PAM: variants seen among roughly 807,000 people sequenced by gnomAD.
The protein encoded by PAM is peptidyl-glycine alpha-amidating monooxygenase.
PAM carries 72 observed loss-of-function variants against 122.1 expected under a neutral mutation model. The ratio of observed to expected loss-of-function variants is 0.59; its 90% CI spans 0.49 to 0.72. PAM has a LOEUF of 0.72. Ranked by LOEUF, PAM falls within the 30% of genes least tolerant of loss-of-function variation. PAM has a pLI of 0.00. For synonymous variants in PAM, 389 were observed against 404.4 expected, an observed-to-expected ratio of 0.96 and a Z score of 0.46; for missense variants, 1,106 against 1,183.7, an observed-to-expected ratio of 0.93 and a Z score of 0.96.
In PAM at chr5:102,974,110, C is replaced by G; in HGVS notation, c.1163-6C>G. ...CACGCCCTTATCTCTTCTCTTTTTT[C>G]CACAGGTGATTTCTATTCACTACTT... On this transcript the variant is annotated splice_polypyrimidine_tract_variant and splice_region_variant and intron_variant, in intron 14 of 25. Transcript: ENST00000438793. The G allele has an allele frequency of 6.2e-7, 1 of 1,601,034 alleles. No homozygotes were observed. Among genetic ancestry groups the G allele is most frequent in the Non-Finnish European group, 8.5e-7 (1 of 1,172,036 alleles).
At chr5:102,774,899 TTC>T (rs1756762774) in intron 1 of PAM, among the ~76,000 whole-genome samples, 1 of 152,036 alleles carries the variant, frequency 6.6e-6, no homozygotes, top group African/African-American at 2.4e-5. Context: ...ATTCAATGTC[TTC>T]TCTTTTTTAT....
At chr5:102,831,420 C>T (rs1775398131) in intron 1 of PAM, among the ~76,000 whole-genome samples, 1 of 130,896 alleles carries the variant, frequency 7.6e-6, no homozygotes, top group Admixed American at 8.3e-5. Flanking sequence ...CCTTCATTAT[C>T]GAGCTCTTTT....
chr5:102,766,251 T>G (rs1033878303), intron 1 of PAM, among the ~76,000 whole-genome samples: 1 of 152,204 alleles, frequency 6.6e-6, no homozygotes, highest in Non-Finnish European at 1.5e-5. Flanking sequence ...TCCATTGTAA[T>G]ATATAATGAA....
chr5:102,925,930 A>G (rs1382316074), intron 6 of PAM, among the ~76,000 whole-genome samples: 1 of 152,226 alleles, frequency 6.6e-6, no homozygotes, highest in Non-Finnish European at 1.5e-5. Flanking sequence ...TCTAGTTGGT[A>G]ACTGGTTTCC....
rs750747001 is a variant in PAM, at chr5:102,974,263, G to T, written c.1310G>T (p.Arg437Leu). 4 of 1,614,014 alleles carry T rather than the reference G, an allele frequency of 2.5e-6. No individual in the cohort carries two copies. The highest frequency in any genetic ancestry group is 3.4e-6 in the Non-Finnish European group (4 of 1,179,944). Residue 437 changes from arginine to leucine, a missense_variant, in exon 15 of 26, where the codon CGA (arginine) becomes CTA (leucine). By Grantham distance (102) the Arg-to-Leu change is moderately radical (BLOSUM62 -2). Around this residue, in one of 3 missense-constraint regions of PAM, gnomAD observed 670 missense variants for 690.3 expected, o/e 0.97. Transcript: ENST00000438793. ...ANVVQKKDLG[R>L]SDAREGAEHE... ...GTAGTCCAAAAAAAGGATCTTGGTC[G>T]ATCTGATGCCAGAGAGGGTGCAGAA...
chr5:102,821,450 C>A (rs1254329092), intron 1 of PAM, among the ~76,000 whole-genome samples: 1 of 152,156 alleles, frequency 6.6e-6, no homozygotes, highest in Non-Finnish European at 1.5e-5. Context: ...CTATTTCTTT[C>A]TGGGCCAGTT....
chr5:102,977,907 GATT>G (rs371465442), intron 15 of PAM, among the ~76,000 whole-genome samples: 1 of 152,180 alleles, frequency 6.6e-6, no homozygotes, highest in African/African-American at 2.4e-5. Context: ...TATAAAATGA[GATT>G]ATAATAGTAT....
chr5:102,898,836 C>T (rs781155917), intron 3 of PAM, among the ~76,000 whole-genome samples: 4 of 151,622 alleles, frequency 2.6e-5, no homozygotes, highest in Non-Finnish European at 5.9e-5. Flanking sequence ...AAGAGAAGTG[C>T]TTTAATAACC....
chr5:102,926,936 C>T (rs930831322), intron 7 of PAM, among the ~76,000 whole-genome samples: 1 of 152,088 alleles, frequency 6.6e-6, no homozygotes, highest in Non-Finnish European at 1.5e-5. Flanking sequence ...ATTGTTTTAT[C>T]AGCCTGCTCT....
At chr5:102,889,969 A>G (rs1202498999) in intron 3 of PAM, among the ~76,000 whole-genome samples, 1 of 151,906 alleles carries the variant, frequency 6.6e-6, no homozygotes, top group African/African-American at 2.4e-5. Context: ...GAGTATTTTT[A>G]TATCTATTTT....
At chr5:102,847,094 C>T (rs1247318699) in intron 1 of PAM, among the ~76,000 whole-genome samples, 3 of 152,032 alleles carry the variant, frequency 2.0e-5, no homozygotes, top group South Asian at 2.1e-4. Flanking sequence ...TTCTTTCTCC[C>T]GAGTCCCATT....
At chr5:102,995,823 T>C (rs931694465) in intron 16 of PAM, among the ~76,000 whole-genome samples, 20 of 152,090 alleles carry the variant, frequency 1.3e-4, no homozygotes, top group Non-Finnish European at 1.5e-5. Context: ...ACAATGTGTC[T>C]ATTTTCAGAA....
chr5:102,955,830 T>G (rs1202172448), intron 12 of PAM, among the ~76,000 whole-genome samples: 1 of 132,540 alleles, frequency 7.5e-6, no homozygotes, highest in Non-Finnish European at 1.7e-5. Flanking sequence ...AGGGTACATG[T>G]GTCAAAATAC....
intron 7 of PAM, among the ~76,000 whole-genome samples, chr5:102,928,634 A>G (rs1220005388): frequency 6.6e-6 from 1 of 152,146 alleles, no homozygotes; most frequent in Non-Finnish European, 1.5e-5. Flanking sequence ...AAGTAAAAAC[A>G]TGGGAAAATA....
chr5:103,014,575 T>G (rs1318528776), intron 21 of PAM, among the ~76,000 whole-genome samples: 2 of 152,226 alleles, frequency 1.3e-5, no homozygotes, highest in East Asian at 3.8e-4. Flanking sequence ...TTGACTCCTG[T>G]GTAAAAAGAG....
intron 3 of PAM, among the ~76,000 whole-genome samples, chr5:102,892,087 T>C (rs1794941065): frequency 6.6e-6 from 1 of 151,768 alleles, no homozygotes; most frequent in Non-Finnish European, 1.5e-5. Flanking sequence ...AGATGTGAGG[T>C]GAAGTCTTTT....
At chr5:102,796,982 G>A (rs1290463491) in intron 1 of PAM, among the ~76,000 whole-genome samples, 1 of 152,176 alleles carries the variant, frequency 6.6e-6, no homozygotes, top group Non-Finnish European at 1.5e-5. Context: ...AGAGCCATAT[G>A]CTTCATTGCC....
At chr5:102,861,170 C>T (rs1784073072) in intron 1 of PAM, among the ~76,000 whole-genome samples, 1 of 152,182 alleles carries the variant, frequency 6.6e-6, no homozygotes, top group Admixed American at 6.5e-5. Context: ...CAGCTCCAGT[C>T]AAGCCTTCAG....
chr5:102,933,711 T>C (rs1752336490), intron 7 of PAM, among the ~76,000 whole-genome samples: 1 of 152,234 alleles, frequency 6.6e-6, no homozygotes, highest in African/African-American at 2.4e-5. Context: ...TCTCTGCCTC[T>C]TAGAAGACTA....
Sources: gnomAD v4.1 joint callset for allele counts (sites outside exome capture counted in the v4.1 genomes callset) on GRCh38, gnomAD v4.1.1 for gene constraint, gnomAD v4.1.1 regional missense constraint, MANE v1.5 for transcripts, NCBI Gene and HGNC (gene_info 2026-07-23, HGNC 2026-07-21) for gene names.